The following ARHGEF28 variants were observed in gnomAD, a reference collection of about 807,000 sequenced individuals.
ARHGEF28 encodes the protein 190 kDa guanine nucleotide exchange factor.
In ARHGEF28, 152 loss-of-function variants were observed where a neutral mutation model predicts 206.6. The ratio of observed to expected loss-of-function variants is 0.74; its 90% CI spans 0.64 to 0.84. The LOEUF is 0.84. Among genes scored for constraint, ARHGEF28 ranks in the 40% least tolerant of loss-of-function variants. ARHGEF28 has a pLI of 0.00. For missense variants in ARHGEF28, 2,028 were observed against 2,073.2 expected (o/e 0.98, Z 0.42); for synonymous variants, 763 against 776.4 (o/e 0.98, Z 0.29).
In ARHGEF28 at chr5:73,801,446, C is replaced by CA. The variant is rs1401872398; in HGVS notation, c.1024+6061dup. On this transcript the variant is annotated intron_variant, in intron 9 of 35. Transcript: ENST00000513042. ...TGGGCAACAGAGCGAGACTCCATCTCAAAAAATAAAAAAAATAAAAAAATA... is the reference window on the plus strand; with the variant it reads ...TGGGCAACAGAGCGAGACTCCATCTCAAAAAAATAAAAAAAATAAAAAAATA... 1.7e-3 allele frequency among the ~76,000 whole-genome samples: 253 copies of CA among 149,740 alleles called. 1 individual carries two copies. The highest frequency in any genetic ancestry group is 5.7e-3 in the African/African-American group (229 of 39,948).
chr5:73,915,346 C>G (rs1411075184), intron 35 of ARHGEF28, among the ~76,000 whole-genome samples: 1 of 151,954 alleles, frequency 6.6e-6, no homozygotes, highest in African/African-American at 2.4e-5. Flanking sequence ...AATAATAAAC[C>G]CATGTTATCT....
chr5:73,935,287 A>G (rs904589955), intron 35 of ARHGEF28, among the ~76,000 whole-genome samples: 8 of 152,164 alleles, frequency 5.3e-5, no homozygotes, highest in African/African-American at 1.7e-4. Flanking sequence ...CCCACCCCAC[A>G]GCACACTTCA....
chr5:73,717,952 C>G (rs1348069827), intron 2 of ARHGEF28, among the ~76,000 whole-genome samples: 1 of 152,146 alleles, frequency 6.6e-6, no homozygotes, highest in Non-Finnish European at 1.5e-5. Context: ...CATCTTAGCT[C>G]ACTGCAATCT....
chr5:73,662,963 G>A lies in ARHGEF28; in HGVS notation c.-11-21878G>A, dbSNP rs562568012. On this transcript the variant is annotated intron_variant, in intron 1 of 35. Transcript: ENST00000513042. ...GGCTAAATTTCTTTTTTAAAAAATT[G>A]TTATTATTTTGAGACAAGATCTCAC... 2.6e-5 allele frequency among the ~76,000 whole-genome samples: 4 copies of A among 152,124 alleles called. No homozygotes were observed. The South Asian group carries it at 8.3e-4, about 32-fold the overall frequency.
chr5:73,710,948 C>T (rs1258578544), intron 2 of ARHGEF28, among the ~76,000 whole-genome samples: 1 of 152,160 alleles, frequency 6.6e-6, no homozygotes. Context: ...AAGTAATTTG[C>T]CCGCCTCAGC....
intron 7 of ARHGEF28, among the ~76,000 whole-genome samples, chr5:73,780,948 T>C (rs1470622171): frequency 6.6e-6 from 1 of 152,220 alleles, no homozygotes; most frequent in Non-Finnish European, 1.5e-5. Flanking sequence ...TCCATTTAAC[T>C]GGAATGTCCT....
intron 26 of ARHGEF28, among the ~76,000 whole-genome samples, chr5:73,891,499 TTCTG>T (rs1486378498): frequency 6.6e-6 from 1 of 152,142 alleles, no homozygotes; most frequent in African/African-American, 2.4e-5. Flanking sequence ...TCTCTGATTG[TTCTG>T]TCTTTTAAAA....
intron 11 of ARHGEF28, among the ~76,000 whole-genome samples, chr5:73,841,573 G>A (rs930084533): frequency 6.6e-6 from 1 of 151,940 alleles, no homozygotes; most frequent in African/African-American, 2.4e-5. Context: ...GGGCATGGTG[G>A]CACGCACATG....
intron 5 of ARHGEF28, among the ~76,000 whole-genome samples, chr5:73,775,013 G>A (rs953194521): frequency 3.3e-5 from 5 of 152,136 alleles, no homozygotes; most frequent in African/African-American, 1.2e-4. Flanking sequence ...CAGAGCTTTT[G>A]GTTTATTTTT....
At chr5:73,809,143 A>G (rs188379976) in intron 9 of ARHGEF28, among the ~76,000 whole-genome samples, 2 of 151,998 alleles carry the variant, frequency 1.3e-5, no homozygotes, top group Admixed American at 1.3e-4. Flanking sequence ...TGGCGGAAGT[A>G]GTAGTGAGCC....
At chr5:73,889,643 G>A (rs1189958715) in intron 26 of ARHGEF28, among the ~76,000 whole-genome samples, 3 of 152,198 alleles carry the variant, frequency 2.0e-5, no homozygotes, top group Non-Finnish European at 2.9e-5. Flanking sequence ...AAATGGATAC[G>A]GTGTAACAAT....
chr5:73,909,983 T>C lies in ARHGEF28; in HGVS notation c.4647+86T>C, dbSNP rs550039271. The C allele has an allele frequency of 9.7e-5, 137 of 1,412,370 alleles. No individual in the cohort carries two copies. In the African/African-American group the frequency reaches 1.0e-3, roughly 11 times the overall value. 87.5% of individuals were successfully genotyped at this position (1,412,370 alleles called of 1,614,324 possible). On this transcript the variant is annotated intron_variant, in intron 34 of 35. Transcript: ENST00000513042. Reference sequence around the variant, plus strand: ...TCCTAGGACACTAACCAAACATCTGTCATTTTGGATTTGTGTAAGAAGACC... The same window carrying C: ...TCCTAGGACACTAACCAAACATCTGCCATTTTGGATTTGTGTAAGAAGACC...
rs1427559302 is a variant in ARHGEF28 at position 73,940,939 on chromosome 5, C to G, written c.5044C>G (p.Leu1682Val). The G allele has an allele frequency of 1.7e-5, 26 of 1,534,470 alleles. No individual in the cohort carries two copies. The highest frequency in any genetic ancestry group is 1.7e-4 in the Middle Eastern group (1 of 6,006). ...QAFITEAKLN[L>V]PTRTMTRQDG... Reference sequence around the variant, plus strand: ...GTTTATAACAGAAGCAAAGCTAAATCTACCGACAAGGACAATGACCAGACA... The same window carrying G: ...GTTTATAACAGAAGCAAAGCTAAATGTACCGACAAGGACAATGACCAGACA... The change falls in exon 36 of 36, where the codon CTA becomes GTA. Residue 1682 changes from leucine to valine, a missense_variant. Physicochemically the swap from Leu to Val is conservative, Grantham distance 32. Transcript: ENST00000513042.
intron 9 of ARHGEF28, among the ~76,000 whole-genome samples, chr5:73,806,197 A>G (rs936477515): frequency 3.9e-4 from 57 of 147,408 alleles, no homozygotes; most frequent in African/African-American, 1.4e-3. Context: ...TATATAGTAT[A>G]TATCGATATG....
chr5:73,938,752 C>T (rs1296140513), intron 35 of ARHGEF28, among the ~76,000 whole-genome samples: 1 of 152,168 alleles, frequency 6.6e-6, no homozygotes, highest in Non-Finnish European at 1.5e-5. Flanking sequence ...GTTGTGACCA[C>T]AGGCATGCTT....
chr5:73,865,744 A>G (rs1361737666), intron 17 of ARHGEF28, among the ~76,000 whole-genome samples: 6 of 152,210 alleles, frequency 3.9e-5, no homozygotes, highest in Non-Finnish European at 8.8e-5. Flanking sequence ...AGGAGTGTTC[A>G]GGAGGCGCAT....
chr5:73,904,187 T>C (rs966841801), intron 31 of ARHGEF28, 35 bp from the exon 32 acceptor site: 2 of 1,607,754 alleles, frequency 1.2e-6, no homozygotes. Context: ...AGAAGTAGAA[T>C]GGTTATTCAT....
chr5:73,845,612 G>C (rs1758287694), intron 11 of ARHGEF28, among the ~76,000 whole-genome samples: 1 of 152,066 alleles, frequency 6.6e-6, no homozygotes, highest in African/African-American at 2.4e-5. Context: ...TTACCATTTG[G>C]GACTTGCGAT....
Position 73,867,877 on chromosome 5 carries a change from T to C in ARHGEF28, c.2154T>C (p.Asn718=). ...NKNKPQTILG[N]SSFRDIPQPG... ...TGAAGCATCTGTTCTGATTTCCAGA[T>C]TCTTCATTTAGAGACATCCCACAGC... Residue 718 remains asparagine, a splice_region_variant and synonymous_variant, in exon 19 of 36, where the codon AAT becomes AAC. Transcript: ENST00000513042. 1 of 1,613,998 alleles carries C rather than the reference T, an allele frequency of 6.2e-7. No homozygotes were observed. The highest frequency in any genetic ancestry group is 8.5e-7 in the Non-Finnish European group (1 of 1,179,880).
Sources: allele counts gnomAD v4.1 joint callset (sites outside exome capture counted in the v4.1 genomes callset), GRCh38; gene constraint gnomAD v4.1.1; transcripts MANE v1.5; gene names NCBI Gene and HGNC (gene_info 2026-07-23, HGNC 2026-07-21).